TRMT2B: variants seen among roughly 807,000 people sequenced by gnomAD.
The protein encoded by TRMT2B is tRNA (uracil-5-)-methyltransferase homolog B.
TRMT2B carries 34 observed loss-of-function variants against 39.7 expected under a neutral mutation model. The ratio of observed to expected loss-of-function variants is 0.86; its 90% CI spans 0.65 to 1.14. The LOEUF is 1.14. Ranked by LOEUF, TRMT2B falls within the 50% of genes most tolerant of loss-of-function variation. The pLI is 0.00. For missense variants in TRMT2B, 318 were observed against 377.2 expected (o/e 0.84, Z 1.30); for synonymous variants, 132 against 137.3 (o/e 0.96, Z 0.27).
At chrX:101,005,541 C>T (rs981844148), downstream of TRMT2B, among the ~76,000 whole-genome samples, 12 of 107,290 alleles carry the variant, frequency 1.1e-4, no homozygotes, top group Non-Finnish European at 3.8e-5. Context: ...TGAACAATGT[C>T]GCTAAGTCAG....
At chrX:100,986,239 C>G in the TRMT2B span, among the ~76,000 whole-genome samples, 1 of 112,201 alleles carries the variant, frequency 8.9e-6, no homozygotes. Flanking sequence ...ATCATCTTTT[C>G]TGGTTTCGGT....
chrX:101,016,649 T>TG (rs2086535967), intron 13 of TRMT2B, among the ~76,000 whole-genome samples: 1 of 97,178 alleles, frequency 1.0e-5, no homozygotes, highest in African/African-American at 3.9e-5. Context: ...GTGGTTTTTT[T>TG]TTTTTTTTTT....
At chrX:100,992,688 T>C in the TRMT2B span, among the ~76,000 whole-genome samples, 2 of 112,208 alleles carry the variant, frequency 1.8e-5, no homozygotes, top group Non-Finnish European at 3.8e-5. Flanking sequence ...CACTTCCATT[T>C]TGCCAGGTGC....
chrX:101,024,123 C>T (rs971300107), intron 7 of TRMT2B, among the ~76,000 whole-genome samples: 1 of 111,414 alleles, frequency 9.0e-6, no homozygotes, highest in Admixed American at 9.7e-5. Flanking sequence ...GCTGGGATTA[C>T]AGCCGTGAGC....
chrX:100,979,111 T>C, the TRMT2B span, among the ~76,000 whole-genome samples: 1 of 112,150 alleles, frequency 8.9e-6, no homozygotes, highest in Non-Finnish European at 1.9e-5. Flanking sequence ...TTACTTTTGA[T>C]AGGTTCATCT....
downstream of TRMT2B, among the ~76,000 whole-genome samples, chrX:101,006,082 GT>G (rs1208397384): frequency 9.2e-6 from 1 of 108,903 alleles, no homozygotes; most frequent in Non-Finnish European, 1.9e-5. Flanking sequence ...TCAGCCGGGT[GT>G]GGTAGCACAC....
intron 4 of TRMT2B, among the ~76,000 whole-genome samples, chrX:101,038,885 G>A (rs745878753): frequency 9.0e-6 from 1 of 111,002 alleles, no homozygotes; most frequent in African/African-American, 3.3e-5. Flanking sequence ...AAGTAGCTGG[G>A]ACTACAAGCA....
intron 2 of TRMT2B, 117 bp from the exon 3 acceptor site, chrX:101,042,429 A>G: frequency 1.3e-6 from 1 of 784,840 alleles, no homozygotes; most frequent in East Asian, 3.3e-5. Context: ...GGCACACAGC[A>G]GACAGTAAAA....
chrX:101,021,447 G>C (rs2086801345), intron 9 of TRMT2B, 132 bp from the exon 10 acceptor site: 2 of 515,675 alleles, frequency 3.9e-6, no homozygotes, highest in East Asian at 7.1e-5. Flanking sequence ...TGGCCAACAT[G>C]GTGAAATCTC....
chrX:101,041,496 G>A, intron 3 of TRMT2B, 125 bp from the exon 4 acceptor site: 1 of 621,996 alleles, frequency 1.6e-6, no homozygotes, highest in South Asian at 3.3e-5. Flanking sequence ...TGGGAGAAGA[G>A]CCCATTTTGA....
At position 101,042,302 on chromosome X, in the gene TRMT2B, C is replaced by T; in HGVS notation, c.-13G>A. The T allele has an allele frequency of 8.3e-7, 1 of 1,203,927 alleles. No homozygotes were observed. Among genetic ancestry groups the T allele is most frequent in the African/African-American group, 1.7e-5 (1 of 57,686 alleles). On this transcript the variant is annotated 5_prime_UTR_variant, in exon 3 of 14. The change creates a new upstream start codon in the 5' untranslated region. Coordinates refer to ENST00000372936, the MANE Select transcript of TRMT2B (RefSeq NM_024917.6). ...TAAGGCCTGCCATCCAAAGAACACA[C>T]TGAAATCCACCTGCATGAAAGGTAC...
chrX:100,988,007 G>A, the TRMT2B span, among the ~76,000 whole-genome samples: 2 of 111,647 alleles, frequency 1.8e-5, no homozygotes, highest in South Asian at 3.8e-4. Context: ...TTGAAAAGAC[G>A]AAAAAGAAAA....
the TRMT2B span, among the ~76,000 whole-genome samples, chrX:100,993,942 A>C: frequency 2.7e-5 from 3 of 111,910 alleles, 1 homozygote; most frequent in Non-Finnish European, 5.6e-5. Context: ...ACACACAAAA[A>C]TGTTTAGAAT....
At chrX:100,988,245 T>C in the TRMT2B span, 8 of 1,209,370 alleles carry the variant, frequency 6.6e-6, no homozygotes, top group Non-Finnish European at 7.8e-6. Context: ...TCTAGAACAA[T>C]GCTCAATCGA....
the TRMT2B span, among the ~76,000 whole-genome samples, chrX:100,981,300 G>A: frequency 8.9e-6 from 1 of 112,008 alleles, no homozygotes; most frequent in Non-Finnish European, 1.9e-5. Context: ...TGCTTCCTCC[G>A]TAAGTGCTGG....
At chrX:100,978,378 C>T in the TRMT2B span, among the ~76,000 whole-genome samples, 2 of 111,496 alleles carry the variant, frequency 1.8e-5, no homozygotes, top group African/African-American at 6.5e-5. Flanking sequence ...CTTTGTATAT[C>T]TGGGTGCTCC....
chrX:101,014,338 C>CT (rs942623158), intron 13 of TRMT2B, among the ~76,000 whole-genome samples: 11 of 109,796 alleles, frequency 1.0e-4, no homozygotes, highest in South Asian at 3.9e-4. Flanking sequence ...CTTTCTCTCT[C>CT]TTTTTTTTAC....
At position 101,025,348 on chromosome X, in the gene TRMT2B, T is replaced by C. The variant is rs530446028; in HGVS notation, c.610-1732A>G. On this transcript the variant is annotated intron_variant, in intron 7 of 13. Transcript: ENST00000372936. ...AGTCAGATCCTCCATTTCCTCCTGG[T>C]ATATACAAGTCAAATGCAATCCTGA... 8.1e-5 allele frequency among the ~76,000 whole-genome samples: 9 copies of C among 111,446 alleles called. No individual in the cohort carries two copies. In the South Asian group the frequency reaches 3.4e-3, roughly 42 times the overall value.
intron 7 of TRMT2B, among the ~76,000 whole-genome samples, chrX:101,024,378 C>T (rs1319420275): frequency 8.9e-6 from 1 of 111,777 alleles, no homozygotes; most frequent in Non-Finnish European, 1.9e-5. Flanking sequence ...AATGGCAGCC[C>T]TTGCAGACAA....
Sources: gnomAD v4.1 joint callset for allele counts (sites outside exome capture counted in the v4.1 genomes callset) on GRCh38, gnomAD v4.1.1 for gene constraint, MANE v1.5 for transcripts, NCBI Gene and HGNC (gene_info 2026-07-23, HGNC 2026-07-21) for gene names.